Variants in CNTN5 observed in about 807,000 individuals in gnomAD.
The protein encoded by CNTN5 is contactin 5.
In CNTN5, 77 loss-of-function variants were observed where a neutral mutation model predicts 129.1. That is an observed-to-expected ratio of 0.60 (90% CI 0.50 to 0.72). The LOEUF (loss-of-function observed/expected upper bound fraction) is 0.72. CNTN5 is among the 30% of genes least tolerant of loss of function. The pLI is 0.00. For synonymous variants in CNTN5, 509 were observed against 465.6 expected (o/e 1.09, Z -1.20); for missense variants, 1,478 against 1,328.8 (o/e 1.11, Z -1.75).
intron 3 of CNTN5, among the ~76,000 whole-genome samples, chr11:99,593,565 GTGT>G (rs1279733439): frequency 1.3e-5 from 2 of 152,138 alleles, no homozygotes; most frequent in African/African-American, 2.4e-5. Flanking sequence ...TCATAGAAAA[GTGT>G]TGTGTTTCTA....
chr11:100,250,734 A>G (rs1295908527), intron 16 of CNTN5, among the ~76,000 whole-genome samples: 1 of 152,150 alleles, frequency 6.6e-6, no homozygotes, highest in East Asian at 1.9e-4. Context: ...TGTAAATTAT[A>G]TCTTTTGTTC....
intron 13 of CNTN5, among the ~76,000 whole-genome samples, chr11:100,187,888 T>A (rs1313256499): frequency 6.6e-6 from 1 of 152,166 alleles, no homozygotes; most frequent in Non-Finnish European, 1.5e-5. Flanking sequence ...GGGACATTTG[T>A]GACTAAGTCC....
chr11:100,259,956 T>C (rs1269995988), intron 17 of CNTN5, among the ~76,000 whole-genome samples: 1 of 151,518 alleles, frequency 6.6e-6, no homozygotes, highest in African/African-American at 2.4e-5. Flanking sequence ...ACAATAGAAA[T>C]GAAGGAGATA....
chr11:99,785,169 T>G (rs1289303870), intron 3 of CNTN5, among the ~76,000 whole-genome samples: 1 of 152,154 alleles, frequency 6.6e-6, no homozygotes, highest in Non-Finnish European at 1.5e-5. Context: ...ATGATTAGCT[T>G]TGTTTCATAT....
At chr11:100,168,783 T>C (rs1947732305) in intron 13 of CNTN5, among the ~76,000 whole-genome samples, 1 of 152,010 alleles carries the variant, frequency 6.6e-6, no homozygotes, top group South Asian at 2.1e-4. Context: ...ACATAGATAG[T>C]AATTCCTCTG....
intron 4 of CNTN5, among the ~76,000 whole-genome samples, chr11:99,833,099 C>A (rs772200274): frequency 6.6e-6 from 1 of 152,020 alleles, no homozygotes. Flanking sequence ...GATCCAAAAC[C>A]AAAAAGCAAT....
intron 3 of CNTN5, among the ~76,000 whole-genome samples, chr11:99,627,915 T>TGA (rs1375352931): frequency 1.3e-5 from 2 of 150,084 alleles, no homozygotes; most frequent in East Asian, 3.9e-4. Flanking sequence ...TAAAATTGTG[T>TGA]ATCAGATGGG....
At chr11:99,332,153 G>T (rs1368418292) in intron 2 of CNTN5, among the ~76,000 whole-genome samples, 1 of 151,986 alleles carries the variant, frequency 6.6e-6, no homozygotes, top group Non-Finnish European at 1.5e-5. Context: ...ACTAATTTTT[G>T]ACAACTCATT....
intron 15 of CNTN5, among the ~76,000 whole-genome samples, chr11:100,203,486 A>T (rs1591389083): frequency 6.6e-6 from 1 of 152,056 alleles, no homozygotes; most frequent in East Asian, 1.9e-4. Flanking sequence ...CTTAATAAGT[A>T]TGCATTTACA....
intron 1 of CNTN5, among the ~76,000 whole-genome samples, chr11:99,264,002 T>A (rs1245318092): frequency 6.6e-6 from 1 of 152,066 alleles, no homozygotes; most frequent in Non-Finnish European, 1.5e-5. Context: ...CAGTTCTGGC[T>A]GTATTTTTCT....
At chr11:99,116,559 T>C (rs113466460) in intron 1 of CNTN5, among the ~76,000 whole-genome samples, 117 of 152,320 alleles carry the variant, frequency 7.7e-4, no homozygotes, top group African/African-American at 2.8e-3. Context: ...AAAATAAATA[T>C]TCTCTCTATA....
In CNTN5 at chr11:100,072,097, G is replaced by A. The variant is rs1943944597; in HGVS notation, c.1429+263G>A. ...GTTTACACAATACGTCTTTGCTATA[G>A]CACTTAAAAAAATCATATAAAGAAA... On this transcript the variant is annotated intron_variant, in intron 12 of 24. Transcript: ENST00000524871. Among the ~76,000 whole-genome samples the A allele has an allele frequency of 2.0e-5, 3 of 152,040 alleles. No homozygotes were observed. The South Asian group carries it at 6.2e-4, about 32-fold the overall frequency.
intron 24 of CNTN5, among the ~76,000 whole-genome samples, chr11:100,352,257 T>G (rs1461673718): frequency 6.6e-6 from 1 of 151,606 alleles, no homozygotes; most frequent in Non-Finnish European, 1.5e-5. Context: ...CTTACAATAC[T>G]TGATAAGTTC....
intron 16 of CNTN5, among the ~76,000 whole-genome samples, chr11:100,248,803 C>T (rs960435105): frequency 5.9e-5 from 9 of 152,142 alleles, no homozygotes; most frequent in Non-Finnish European, 1.2e-4. Flanking sequence ...ACTGAACAAT[C>T]ACACCATAAG....
chr11:99,815,050 T>C (rs1444236892), intron 3 of CNTN5, among the ~76,000 whole-genome samples: 1 of 150,288 alleles, frequency 6.7e-6, no homozygotes, highest in Non-Finnish European at 1.5e-5. Context: ...ACTGCCCCCC[T>C]GACTCATTTA....
intron 2 of CNTN5, among the ~76,000 whole-genome samples, chr11:99,400,864 A>AT (rs1321306849): frequency 6.6e-5 from 10 of 152,106 alleles, no homozygotes; most frequent in East Asian, 5.8e-4. Context: ...TTGCTTTGCC[A>AT]TTTTTATGTA....
chr11:99,208,607 C>T (rs1409044692), intron 1 of CNTN5, among the ~76,000 whole-genome samples: 2 of 151,924 alleles, frequency 1.3e-5, no homozygotes, highest in Admixed American at 1.3e-4. Flanking sequence ...TACTTGATTC[C>T]CAATTTATCT....
At chr11:100,237,107 T>A (rs1034461425) in intron 16 of CNTN5, among the ~76,000 whole-genome samples, 1 of 145,206 alleles carries the variant, frequency 6.9e-6, no homozygotes, top group Non-Finnish European at 1.5e-5. Flanking sequence ...GAGAATGGCG[T>A]GAACCCGGGA....
intron 1 of CNTN5, among the ~76,000 whole-genome samples, chr11:99,096,502 T>G (rs1303616414): frequency 6.6e-6 from 1 of 151,870 alleles, no homozygotes; most frequent in Non-Finnish European, 1.5e-5. Context: ...CAGAGTTGTC[T>G]ATGATTGCAT....
Sources: allele counts gnomAD v4.1 joint callset (sites outside exome capture counted in the v4.1 genomes callset), GRCh38; gene constraint gnomAD v4.1.1; transcripts MANE v1.5; gene names NCBI Gene and HGNC (gene_info 2026-07-23, HGNC 2026-07-21).